Variants in NKAIN2 observed in about 807,000 individuals in gnomAD.
NKAIN2 encodes sodium/potassium-transporting ATPase subunit beta-1-interacting protein 2.
Under a neutral mutation model 32.6 loss-of-function variants are expected in NKAIN2, and 14 were observed. The observed-to-expected ratio is 0.43, with a 90% CI of 0.28 to 0.67. The LOEUF is 0.67. NKAIN2 is among the 30% of genes least tolerant of loss of function. The probability of loss-of-function intolerance (pLI) is 0.17; values close to 1 mark genes in which losing one functional copy is unlikely to be tolerated. For missense variants in NKAIN2, 198 were observed against 258.3 expected (o/e 0.77, Z 1.60); for synonymous variants, 80 against 87.2 (o/e 0.92, Z 0.46).
At chr6:124,208,347 G>A (rs925813941) in intron 1 of NKAIN2, among the ~76,000 whole-genome samples, 9 of 151,686 alleles carry the variant, frequency 5.9e-5, no homozygotes, top group African/African-American at 2.2e-4. Flanking sequence ...TGTTAATGTT[G>A]TTCACATATT....
At chr6:124,791,018 A>G (rs898372677) in intron 4 of NKAIN2, among the ~76,000 whole-genome samples, 3 of 152,186 alleles carry the variant, frequency 2.0e-5, no homozygotes, top group Non-Finnish European at 4.4e-5. Flanking sequence ...GATGGGCACA[A>G]ATGCAAATGT....
At chr6:123,939,246 G>C (rs760914441) in intron 1 of NKAIN2, among the ~76,000 whole-genome samples, 4 of 151,836 alleles carry the variant, frequency 2.6e-5, no homozygotes, top group Non-Finnish European at 5.9e-5. Context: ...TAGTTGCAGA[G>C]AGTGCAGGGG....
At chr6:124,798,060 CTAT>C (rs1562389108) in intron 5 of NKAIN2, among the ~76,000 whole-genome samples, 2 of 134,756 alleles carry the variant, frequency 1.5e-5, no homozygotes, top group African/African-American at 5.4e-5. Context: ...TCTTATCTAT[CTAT>C]TATCTATCTA....
At chr6:123,817,174 A>G (rs1442521344) in intron 1 of NKAIN2, among the ~76,000 whole-genome samples, 1 of 152,120 alleles carries the variant, frequency 6.6e-6, no homozygotes, top group Non-Finnish European at 1.5e-5. Flanking sequence ...GAATGGAGTG[A>G]TTATGGAAAG....
chr6:124,206,546 C>T (rs945411416), intron 1 of NKAIN2, among the ~76,000 whole-genome samples: 2 of 151,836 alleles, frequency 1.3e-5, no homozygotes, highest in African/African-American at 4.8e-5. Flanking sequence ...TTAAATACTA[C>T]TGAGTATTCT....
intron 2 of NKAIN2, among the ~76,000 whole-genome samples, chr6:124,321,469 A>G (rs772908418): frequency 6.6e-6 from 1 of 152,180 alleles, no homozygotes; most frequent in Non-Finnish European, 1.5e-5. Flanking sequence ...AAAGTATAAT[A>G]AAAATTAAAA....
chr6:124,440,077 G>A (rs972893850), intron 3 of NKAIN2, among the ~76,000 whole-genome samples: 5 of 152,086 alleles, frequency 3.3e-5, no homozygotes, highest in Admixed American at 3.3e-4. Context: ...AAGAAGTCTA[G>A]ACATTTATAT....
chr6:124,082,230 C>T (rs978744878), intron 1 of NKAIN2, among the ~76,000 whole-genome samples: 5 of 152,062 alleles, frequency 3.3e-5, no homozygotes, highest in Admixed American at 3.3e-4. Context: ...AGTCTTTCCA[C>T]TGTATTCTTA....
At chr6:124,560,269 A>G (rs888990807) in intron 3 of NKAIN2, among the ~76,000 whole-genome samples, 6 of 152,236 alleles carry the variant, frequency 3.9e-5, no homozygotes, top group Middle Eastern at 3.4e-3. Context: ...TGGTTTTATA[A>G]GGGACTTTTC....
At chr6:124,450,810 A>G (rs1378728325) in intron 3 of NKAIN2, among the ~76,000 whole-genome samples, 1 of 152,072 alleles carries the variant, frequency 6.6e-6, no homozygotes, top group Non-Finnish European at 1.5e-5. Context: ...CCAAATAACT[A>G]CATTTCCACT....
intron 3 of NKAIN2, among the ~76,000 whole-genome samples, chr6:124,412,683 C>A (rs967063279): frequency 3.3e-5 from 5 of 152,154 alleles, no homozygotes; most frequent in African/African-American, 4.8e-5. Context: ...CTGGGAGAAC[C>A]ACTACTCTCT....
intron 1 of NKAIN2, among the ~76,000 whole-genome samples, chr6:124,175,586 TG>T (rs902807215): frequency 1.2e-4 from 18 of 152,324 alleles, no homozygotes; most frequent in African/African-American, 3.8e-4. Flanking sequence ...CAAATTTCAA[TG>T]ACTACCCACT....
chr6:124,707,781 T>C (rs1332176860), intron 4 of NKAIN2, among the ~76,000 whole-genome samples: 1 of 151,916 alleles, frequency 6.6e-6, no homozygotes, highest in Non-Finnish European at 1.5e-5. Flanking sequence ...TTTTCTCCCA[T>C]TGTGTAGGTT....
intron 1 of NKAIN2, among the ~76,000 whole-genome samples, chr6:123,896,006 T>G (rs1212025007): frequency 1.3e-5 from 2 of 152,234 alleles, no homozygotes; most frequent in East Asian, 3.9e-4. Context: ...CAACTGTGTG[T>G]TACATGAGTG....
chr6:124,396,923 T>C (rs1034790253), intron 3 of NKAIN2, among the ~76,000 whole-genome samples: 4 of 152,214 alleles, frequency 2.6e-5, no homozygotes, highest in Admixed American at 1.3e-4. Context: ...GTATTAATTA[T>C]CATCAGAACA....
At chr6:123,970,730 A>C (rs1194777461) in intron 1 of NKAIN2, among the ~76,000 whole-genome samples, 1 of 151,986 alleles carries the variant, frequency 6.6e-6, no homozygotes, top group African/African-American at 2.4e-5. Flanking sequence ...AAAATACAAA[A>C]AATTAGCCAG....
At chr6:124,518,778 T>G (rs539328101) in intron 3 of NKAIN2, among the ~76,000 whole-genome samples, 1 of 152,336 alleles carries the variant, frequency 6.6e-6, no homozygotes, top group East Asian at 1.9e-4. Flanking sequence ...GCATATGTAC[T>G]TCTTTCTGCC....
At chr6:124,448,120 A>G (rs140256681) in intron 3 of NKAIN2, among the ~76,000 whole-genome samples, 9 of 152,194 alleles carry the variant, frequency 5.9e-5, no homozygotes, top group Non-Finnish European at 1.0e-4. Flanking sequence ...TATGCATATT[A>G]CTTATTATCT....
chr6:124,422,729 A>T (rs887909261), intron 3 of NKAIN2, among the ~76,000 whole-genome samples: 3 of 152,238 alleles, frequency 2.0e-5, no homozygotes, highest in Admixed American at 1.3e-4. Flanking sequence ...TCTTTATTTT[A>T]CTATTCTCAA....
Sources: allele counts gnomAD v4.1 joint callset (sites outside exome capture counted in the v4.1 genomes callset), GRCh38; gene constraint gnomAD v4.1.1; transcripts MANE v1.5; gene names NCBI Gene and HGNC (gene_info 2026-07-23, HGNC 2026-07-21).